The following SLC4A4 variants were observed in gnomAD, a reference collection of about 807,000 sequenced individuals.
The protein encoded by SLC4A4 is solute carrier family 4 member 4, also known as electrogenic sodium bicarbonate cotransporter 1.
Under a neutral mutation model 111.5 loss-of-function variants are expected in SLC4A4, and 27 were observed. The ratio of observed to expected loss-of-function variants is 0.24; its 90% CI spans 0.18 to 0.33. The LOEUF (loss-of-function observed/expected upper bound fraction) is 0.33. Ranked by LOEUF, SLC4A4 falls within the 10% of genes least tolerant of loss-of-function variation. The pLI is 1.00. For synonymous variants in SLC4A4, 443 were observed against 463.4 expected, an observed-to-expected ratio of 0.96 and a Z score of 0.57; for missense variants, 909 against 1,315.5, an observed-to-expected ratio of 0.69 and a Z score of 4.78.
At chr4:71,498,310 G>A (rs1265819529) in intron 16 of SLC4A4, among the ~76,000 whole-genome samples, 4 of 152,122 alleles carry the variant, frequency 2.6e-5, no homozygotes, top group African/African-American at 9.7e-5. Flanking sequence ...GTGGGTTCAT[G>A]GAGATGCTAT....
chr4:71,394,955 C>A (rs1476110312), intron 6 of SLC4A4, among the ~76,000 whole-genome samples: 1 of 152,058 alleles, frequency 6.6e-6, no homozygotes, highest in East Asian at 1.9e-4. Context: ...GGATTAAAGA[C>A]AACAAATATG....
intron 2 of SLC4A4, among the ~76,000 whole-genome samples, chr4:71,118,119 G>T (rs1344508301): frequency 6.6e-6 from 1 of 152,056 alleles, no homozygotes; most frequent in African/African-American, 2.4e-5. Context: ...CAGGTGATCT[G>T]CCCACCTAGG....
chr4:71,469,198 T>C (rs1406963676), intron 13 of SLC4A4, among the ~76,000 whole-genome samples: 2 of 152,024 alleles, frequency 1.3e-5, no homozygotes, highest in Non-Finnish European at 2.9e-5. Flanking sequence ...GGGTGAGGAA[T>C]CTGAAAGATG....
In SLC4A4 at chr4:71,309,521, G is replaced by T. The variant is rs74901020; in HGVS notation, c.254-29849G>T. Among the ~76,000 whole-genome samples, 18 of 152,266 alleles carry T rather than the reference G, an allele frequency of 1.2e-4. No homozygotes were observed. In the East Asian group the frequency reaches 3.5e-3, roughly 29 times the overall value. On this transcript the variant is annotated intron_variant, in intron 3 of 25. Transcript: ENST00000264485. Reference sequence around the variant, plus strand: ...TTGCTGTTCTGCAGACTCCGCTGGTGATACCAGGCAAATAGGGTCTGGAAT... The same window carrying T: ...TTGCTGTTCTGCAGACTCCGCTGGTTATACCAGGCAAATAGGGTCTGGAAT...
At chr4:71,171,259 T>C (rs1241263889) in intron 2 of SLC4A4, among the ~76,000 whole-genome samples, 4 of 150,290 alleles carry the variant, frequency 2.7e-5, no homozygotes, top group African/African-American at 7.4e-5. Context: ...AAATGGAGAG[T>C]GTGGAGAGGA....
chr4:71,262,913 G>A (rs1200814539), intron 3 of SLC4A4, among the ~76,000 whole-genome samples: 2 of 151,704 alleles, frequency 1.3e-5, no homozygotes, highest in East Asian at 1.9e-4. Context: ...TGAACAACGT[G>A]TAGGTTAGTT....
intron 2 of SLC4A4, among the ~76,000 whole-genome samples, chr4:71,121,223 T>G (rs1356553290): frequency 8.1e-6 from 1 of 123,748 alleles, no homozygotes; most frequent in African/African-American, 3.1e-5. Context: ...CCCTCCCCCC[T>G]CCCCTTGGCT....
intron 13 of SLC4A4, among the ~76,000 whole-genome samples, chr4:71,466,955 GAGAGAGAGAGGGAGAGAGA>G (rs796381443): frequency 4.4e-5 from 6 of 136,352 alleles, no homozygotes; most frequent in African/African-American, 1.1e-4. Context: ...GAGAGAGAGA[GAGAGAGAGAGGGAGAGAGA>G]GAGAGGTCTG....
intron 2 of SLC4A4, among the ~76,000 whole-genome samples, chr4:71,139,783 T>C (rs907444464): frequency 6.6e-6 from 1 of 152,236 alleles, no homozygotes; most frequent in African/African-American, 2.4e-5. Context: ...ATAGAATGTG[T>C]AATGATCAAA....
chr4:71,526,958 AG>A (rs1184017128), intron 16 of SLC4A4, among the ~76,000 whole-genome samples: 2 of 152,100 alleles, frequency 1.3e-5, no homozygotes, highest in Non-Finnish European at 2.9e-5. Flanking sequence ...TTCATTTACA[AG>A]AACCCCTGTG....
At chr4:71,254,735 G>A (rs182123654) in intron 2 of SLC4A4, among the ~76,000 whole-genome samples, 36 of 151,894 alleles carry the variant, frequency 2.4e-4, no homozygotes, top group African/African-American at 4.6e-4. Context: ...TTTTTGCAGC[G>A]CCAGCAGCTC....
chr4:71,075,109 T>C (rs970806053), intron 1 of SLC4A4, among the ~76,000 whole-genome samples: 1 of 152,192 alleles, frequency 6.6e-6, no homozygotes, highest in Non-Finnish European at 1.5e-5. Context: ...TAGACTAGCA[T>C]TCTTATTGCA....
intron 7 of SLC4A4, among the ~76,000 whole-genome samples, chr4:71,423,518 A>T (rs1201000063): frequency 1.3e-5 from 2 of 152,180 alleles, no homozygotes; most frequent in Admixed American, 6.5e-5. Flanking sequence ...ACCAAAAAAG[A>T]GCCCGCATCG....
intron 16 of SLC4A4, among the ~76,000 whole-genome samples, chr4:71,499,369 A>T (rs1730699124): frequency 6.6e-6 from 1 of 152,212 alleles, no homozygotes. Flanking sequence ...ACAATGTGAC[A>T]TATGTATATG....
intron 7 of SLC4A4, 129 bp from the exon 8 acceptor site, chr4:71,440,487 A>G (rs548476762): frequency 1.5e-5 from 15 of 989,596 alleles, no homozygotes; most frequent in South Asian, 9.2e-5. Context: ...TTGCATGTCA[A>G]TTTGTAAAAA....
intron 6 of SLC4A4, among the ~76,000 whole-genome samples, chr4:71,382,992 TG>T (rs1389090191): frequency 6.6e-6 from 1 of 152,204 alleles, no homozygotes; most frequent in East Asian, 1.9e-4. Flanking sequence ...TTTTTTTAAA[TG>T]CACCTTTGCC....
At chr4:71,523,673 A>G (rs990854252) in intron 16 of SLC4A4, among the ~76,000 whole-genome samples, 3 of 152,142 alleles carry the variant, frequency 2.0e-5, no homozygotes, top group African/African-American at 7.2e-5. Context: ...AAATCCCTGC[A>G]CTAACACAAA....
chr4:71,075,589 G>C (rs1023390134), intron 1 of SLC4A4, among the ~76,000 whole-genome samples: 4 of 152,106 alleles, frequency 2.6e-5, no homozygotes, highest in African/African-American at 9.7e-5. Context: ...ACGCTGCCTG[G>C]GGTGTTTCCG....
rs548386387 is a variant in SLC4A4 at position 71,071,219 on chromosome 4, G to A, written c.-65+8431G>A. ...CAGGAGGTGAAGGTTGCAGTGAGCC[G>A]AGATCACACCACTGCTCTCCAGTCT... On this transcript the variant is annotated intron_variant, in intron 1 of 26. Coordinates refer to the SLC4A4 transcript ENST00000649996. Among the ~76,000 whole-genome samples, 19 of 147,824 alleles carry A rather than the reference G, an allele frequency of 1.3e-4. 1 individual carries two copies. Among genetic ancestry groups the A allele is most frequent in the Admixed American group, 1.1e-3 (16 of 14,688 alleles).
Sources: allele counts gnomAD v4.1 joint callset (sites outside exome capture counted in the v4.1 genomes callset), GRCh38; gene constraint gnomAD v4.1.1; transcripts MANE v1.5; gene names NCBI Gene and HGNC (gene_info 2026-07-23, HGNC 2026-07-21).